The following IFT81 variants were observed in gnomAD, a reference collection of about 807,000 sequenced individuals.
IFT81 encodes intraflagellar transport 81.
In IFT81, 72 loss-of-function variants were observed where a neutral mutation model predicts 102.6. That is an observed-to-expected ratio of 0.70 (90% CI 0.58 to 0.85). The LOEUF (loss-of-function observed/expected upper bound fraction) is 0.85. Among genes scored for constraint, IFT81 ranks in the 40% least tolerant of loss-of-function variants. The pLI, the probability that IFT81 is intolerant of heterozygous loss-of-function variation, is 0.00. For synonymous variants in IFT81, 237 were observed against 242.7 expected (o/e 0.98, Z 0.22); for missense variants, 723 against 787.3 (o/e 0.92, Z 0.98).
chr12:110,154,530 C>G (rs1211671012), intron 10 of IFT81, among the ~76,000 whole-genome samples: 1 of 147,468 alleles, frequency 6.8e-6, no homozygotes, highest in Non-Finnish European at 1.5e-5. Context: ...ACTCGGGAGG[C>G]TGAGATGGAA....
At chr12:110,147,518 G>C (rs566550746) in intron 10 of IFT81, among the ~76,000 whole-genome samples, 61 of 152,174 alleles carry the variant, frequency 4.0e-4, no homozygotes, top group African/African-American at 1.5e-3. Flanking sequence ...TACTTATCTT[G>C]TTGTATATTT....
intron 10 of IFT81, among the ~76,000 whole-genome samples, chr12:110,154,078 G>A (rs1023778800): frequency 6.6e-6 from 1 of 151,924 alleles, no homozygotes; most frequent in Non-Finnish European, 1.5e-5. Flanking sequence ...CCGCCTCCTG[G>A]GATCAAGCAA....
Position 110,135,366 on chromosome 12 carries a change from G to A in IFT81, c.625G>A (p.Ala209Thr). The change falls in exon 7 of 19, where the codon GCA (alanine) becomes ACA (threonine). Residue 209 changes from alanine (A) to threonine (T), a missense_variant. Ala to Thr is a moderately conservative substitution (Grantham distance 58). Coordinates refer to ENST00000242591, the MANE Select transcript of IFT81 (RefSeq NM_014055.4). ...AQNHQWMLKI[A>T]RQLRVEKERE... ...GAATCATCAATGGATGCTTAAAATAGCAAGGCAACTTCGAGTTGAAAAAGA... is the reference window on the plus strand; with the variant it reads ...GAATCATCAATGGATGCTTAAAATAACAAGGCAACTTCGAGTTGAAAAAGA... The A allele has an allele frequency of 1.2e-6, 2 of 1,613,350 alleles. No individual in the cohort carries two copies. Among genetic ancestry groups the A allele is most frequent in the South Asian group, 1.1e-5 (1 of 91,016 alleles).
intron 5 of IFT81, among the ~76,000 whole-genome samples, chr12:110,133,322 G>A (rs1894287029): frequency 6.6e-6 from 1 of 151,926 alleles, no homozygotes; most frequent in Admixed American, 6.6e-5. Flanking sequence ...CAAAGCATAT[G>A]TTCAAGAATA....
chr12:110,152,761 C>T (rs944131328), intron 10 of IFT81, among the ~76,000 whole-genome samples: 3 of 152,174 alleles, frequency 2.0e-5, no homozygotes, highest in East Asian at 1.9e-4. Context: ...TGCCACTGCA[C>T]CTGGCTAATT....
chr12:110,211,216 G>A (rs189142075), intron 18 of IFT81, among the ~76,000 whole-genome samples: 106 of 142,950 alleles, frequency 7.4e-4, no homozygotes, highest in African/African-American at 2.7e-3. Context: ...TTAGGGAAGG[G>A]TCTCACTCTG....
chr12:110,213,654 C>G lies in IFT81; in HGVS notation c.1849-4390C>G, dbSNP rs150737130. On this transcript the variant is annotated intron_variant, in intron 18 of 18. Transcript: ENST00000242591. ...TTCTCCTTATCTTCTGTTTACTTAC[C>G]CTGAGTTACATTCATATAAGAAAGG... Among the ~76,000 whole-genome samples, 12 of 152,206 alleles carry G rather than the reference C, an allele frequency of 7.9e-5. No individual in the cohort carries two copies. The East Asian group carries it at 2.3e-3, about 29-fold the overall frequency.
At chr12:110,146,804 TA>T (rs199565962) in intron 9 of IFT81, 148 bp from the exon 10 acceptor site, 7,730 of 896,650 alleles carry the variant, frequency 8.6e-3, no homozygotes, top group South Asian at 0.012. Context: ...CCCCATCTCT[TA>T]AAAAAAAAAT....
At chr12:110,136,192 T>C (rs954582442) in intron 7 of IFT81, among the ~76,000 whole-genome samples, 1 of 152,250 alleles carries the variant, frequency 6.6e-6, no homozygotes, top group African/African-American at 2.4e-5. Context: ...TTTTAAACTT[T>C]GCCTTAAAGA....
intron 8 of IFT81, among the ~76,000 whole-genome samples, chr12:110,137,833 G>A (rs2137330378): frequency 6.6e-6 from 1 of 152,226 alleles, no homozygotes; most frequent in Middle Eastern, 3.4e-3. Flanking sequence ...TTAAAGCCAG[G>A]GCTATAAAGA....
At chr12:110,211,556 T>TA (rs1869442761) in intron 18 of IFT81, among the ~76,000 whole-genome samples, 1 of 152,196 alleles carries the variant, frequency 6.6e-6, no homozygotes, top group South Asian at 2.1e-4. Context: ...AACTATTTTT[T>TA]ATCTACTGTA....
chr12:110,202,275 C>T (rs976739070), intron 14 of IFT81, among the ~76,000 whole-genome samples: 2 of 152,190 alleles, frequency 1.3e-5, no homozygotes, highest in Non-Finnish European at 2.9e-5. Flanking sequence ...AACATCATCC[C>T]ATGCATGACT....
chr12:110,173,531 G>T (rs1488987943), intron 11 of IFT81, among the ~76,000 whole-genome samples: 1 of 152,254 alleles, frequency 6.6e-6, no homozygotes, highest in Non-Finnish European at 1.5e-5. Flanking sequence ...AGCGGGGAAA[G>T]GTGGGGAAAA....
intron 10 of IFT81, among the ~76,000 whole-genome samples, chr12:110,153,080 T>C (rs1895631746): frequency 6.6e-6 from 1 of 152,232 alleles, no homozygotes; most frequent in Non-Finnish European, 1.5e-5. Flanking sequence ...AAATCATCGC[T>C]AAATCCAGTG....
chr12:110,139,809 AAAAT>A (rs1369087600), intron 8 of IFT81, among the ~76,000 whole-genome samples: 2 of 141,078 alleles, frequency 1.4e-5, no homozygotes, highest in Non-Finnish European at 3.0e-5. Flanking sequence ...ACAATAAAAT[AAAAT>A]AAAATAAATA....
chr12:110,171,854 C>T (rs1265986648), intron 11 of IFT81: 1 of 152,142 alleles, frequency 6.6e-6, no homozygotes, highest in Non-Finnish European at 1.5e-5. Flanking sequence ...AGCAGAAAGA[C>T]TGTGGGCTTT....
At chr12:110,130,020 T>C (rs1894069021) in intron 4 of IFT81, among the ~76,000 whole-genome samples, 1 of 152,244 alleles carries the variant, frequency 6.6e-6, no homozygotes, top group Non-Finnish European at 1.5e-5. Flanking sequence ...CCAGATTTTG[T>C]ATAGTCACTT....
chr12:110,199,065 T>TC (rs1334107274), intron 14 of IFT81, among the ~76,000 whole-genome samples: 1 of 152,160 alleles, frequency 6.6e-6, no homozygotes. Flanking sequence ...CACCTCCGCC[T>TC]CCCGAAGTGC....
chr12:110,153,927 T>C (rs915155454), intron 10 of IFT81, among the ~76,000 whole-genome samples: 6 of 151,690 alleles, frequency 4.0e-5, no homozygotes, highest in East Asian at 3.9e-4. Context: ...TGGTATTCGT[T>C]AATTTAAGTG....
Sources: gnomAD v4.1 joint callset for allele counts (sites outside exome capture counted in the v4.1 genomes callset) on GRCh38, gnomAD v4.1.1 for gene constraint, MANE v1.5 for transcripts, NCBI Gene and HGNC (gene_info 2026-07-23, HGNC 2026-07-21) for gene names.